Variants in GRM3 observed in about 807,000 individuals in gnomAD.
GRM3 encodes metabotropic glutamate receptor 3.
A neutral mutation model predicts 70.5 loss-of-function variants in GRM3; 26 were observed. The observed-to-expected ratio is 0.37, with a 90% CI of 0.27 to 0.51. The LOEUF (loss-of-function observed/expected upper bound fraction) is 0.51, where lower values mean the gene tolerates loss of function less well. Among genes scored for constraint, GRM3 ranks in the 20% least tolerant of loss-of-function variants. The pLI, the probability that GRM3 is intolerant of heterozygous loss-of-function variation, is 0.93. For synonymous variants in GRM3, 443 were observed against 434.9 expected, an observed-to-expected ratio of 1.02 and a Z score of -0.23; for missense variants, 859 against 1,123.8, an observed-to-expected ratio of 0.76 and a Z score of 3.37.
chr7:86,751,983 C>T (rs1433450613), intron 1 of GRM3, among the ~76,000 whole-genome samples: 1 of 152,126 alleles, frequency 6.6e-6, no homozygotes, highest in Non-Finnish European at 1.5e-5. Flanking sequence ...TTCTTTTTCA[C>T]TTCAGACCTG....
intron 3 of GRM3, among the ~76,000 whole-genome samples, chr7:86,807,810 C>T (rs974024697): frequency 4.6e-5 from 7 of 152,158 alleles, no homozygotes; most frequent in African/African-American, 7.2e-5. Flanking sequence ...GAGAGGGCAT[C>T]CCTGTCTTGT....
intron 1 of GRM3, among the ~76,000 whole-genome samples, chr7:86,698,406 C>A (rs1794874689): frequency 6.6e-6 from 1 of 151,484 alleles, no homozygotes; most frequent in Admixed American, 6.6e-5. Flanking sequence ...TCTGACTGGG[C>A]CAGTGCACCT....
At chr7:86,696,928 C>G (rs554737011) in intron 1 of GRM3, among the ~76,000 whole-genome samples, 6 of 152,304 alleles carry the variant, frequency 3.9e-5, no homozygotes, top group African/African-American at 1.2e-4. Context: ...TATTCTGGCT[C>G]TCTTGACCCT....
chr7:86,853,443 A>G (rs1798791660), intron 5 of GRM3, among the ~76,000 whole-genome samples: 1 of 152,180 alleles, frequency 6.6e-6, no homozygotes, highest in African/African-American at 2.4e-5. Flanking sequence ...ATTCAGCTCA[A>G]TTTATATCCA....
At chr7:86,654,160 G>A (rs567352695) in intron 1 of GRM3, among the ~76,000 whole-genome samples, 1 of 152,162 alleles carries the variant, frequency 6.6e-6, no homozygotes, top group Non-Finnish European at 1.5e-5. Context: ...GAAAAATGCC[G>A]AACAGGAAGT....
rs1452079904 is a variant in GRM3 at position 86,727,730 on chromosome 7, T to C, written c.-140-37276T>C. 2.0e-5 allele frequency among the ~76,000 whole-genome samples: 3 copies of C among 152,184 alleles called. No individual in the cohort carries two copies. In the East Asian group the frequency reaches 5.8e-4, roughly 29 times the overall value. On this transcript the variant is annotated intron_variant, in intron 1 of 5. Coordinates refer to ENST00000361669, the MANE Select transcript of GRM3 (RefSeq NM_000840.3). ...AGATTCAGTGAGAACTTACTGTTTT[T>C]CAGTCCCCATATGTATGAGTGTAAA...
At chr7:86,690,587 T>C (rs1001386043) in intron 1 of GRM3, among the ~76,000 whole-genome samples, 2 of 152,072 alleles carry the variant, frequency 1.3e-5, no homozygotes, top group African/African-American at 4.8e-5. Context: ...TTATGTATTG[T>C]GTATAAGGGG....
intron 1 of GRM3, among the ~76,000 whole-genome samples, chr7:86,731,128 T>G (rs1321247202): frequency 6.6e-6 from 1 of 152,148 alleles, no homozygotes. Context: ...CTTCCTAACC[T>G]CTGTAGAGCT....
At chr7:86,784,963 T>C (rs1003735237) in intron 2 of GRM3, among the ~76,000 whole-genome samples, 2 of 152,212 alleles carry the variant, frequency 1.3e-5, no homozygotes, top group Admixed American at 6.5e-5. Flanking sequence ...TGGTTTCTCT[T>C]GCCAGATGAA....
chr7:86,647,355 G>A (rs1044319796), intron 1 of GRM3, among the ~76,000 whole-genome samples: 7 of 152,190 alleles, frequency 4.6e-5, no homozygotes, highest in Non-Finnish European at 1.0e-4. Context: ...CTGCCAAAAT[G>A]TAGCACATTG....
chr7:86,645,847 A>T (rs1266286714), intron 1 of GRM3, among the ~76,000 whole-genome samples: 1 of 151,990 alleles, frequency 6.6e-6, no homozygotes, highest in Non-Finnish European at 1.5e-5. Flanking sequence ...GTAGGTACAT[A>T]TTGGAATATT....
intron 1 of GRM3, among the ~76,000 whole-genome samples, chr7:86,761,338 C>G (rs1796475840): frequency 6.6e-6 from 1 of 152,080 alleles, no homozygotes; most frequent in Non-Finnish European, 1.5e-5. Flanking sequence ...AGGTCTACAT[C>G]TCTCCTGGCT....
intron 3 of GRM3, among the ~76,000 whole-genome samples, chr7:86,808,847 C>A (rs1241947592): frequency 6.6e-6 from 1 of 151,882 alleles, no homozygotes; most frequent in Non-Finnish European, 1.5e-5. Context: ...AGCAAAGAGA[C>A]CAGTGTGGCT....
intron 1 of GRM3, among the ~76,000 whole-genome samples, chr7:86,690,867 T>C (rs943945662): frequency 1.3e-5 from 2 of 152,172 alleles, no homozygotes; most frequent in Non-Finnish European, 1.5e-5. Context: ...TCAGAAGACA[T>C]CATGTATAAA....
chr7:86,769,209 C>T (rs75635007), intron 2 of GRM3, among the ~76,000 whole-genome samples: 5,509 of 152,154 alleles, frequency 0.036, 314 homozygotes, highest in African/African-American at 0.13. Flanking sequence ...GTAGCATTGC[C>T]ATCCATTTTT....
intron 1 of GRM3, among the ~76,000 whole-genome samples, chr7:86,690,848 C>G (rs1794679712): frequency 6.6e-6 from 1 of 152,016 alleles, no homozygotes; most frequent in Non-Finnish European, 1.5e-5. Flanking sequence ...AGAAATCATT[C>G]TAGGGATTTC....
At chr7:86,731,421 C>T (rs1382576104) in intron 1 of GRM3, among the ~76,000 whole-genome samples, 1 of 152,146 alleles carries the variant, frequency 6.6e-6, no homozygotes, top group African/African-American at 2.4e-5. Flanking sequence ...CTTTCCATGT[C>T]CCTGCAAAAC....
At chr7:86,801,206 G>T (rs1405644867) in intron 3 of GRM3, among the ~76,000 whole-genome samples, 1 of 151,822 alleles carries the variant, frequency 6.6e-6, no homozygotes, top group Non-Finnish European at 1.5e-5. Context: ...AAGTAGCTGG[G>T]ATTACAGGTG....
chr7:86,743,102 C>T (rs1026801331), intron 1 of GRM3, among the ~76,000 whole-genome samples: 5 of 152,122 alleles, frequency 3.3e-5, no homozygotes, highest in Non-Finnish European at 5.9e-5. Context: ...ACTCTTCTCA[C>T]TATGTTATAT....
Sources: gnomAD v4.1 joint callset for allele counts (sites outside exome capture counted in the v4.1 genomes callset) on GRCh38, gnomAD v4.1.1 for gene constraint, MANE v1.5 for transcripts, NCBI Gene and HGNC (gene_info 2026-07-23, HGNC 2026-07-21) for gene names.